SMARCA2: variants seen among roughly 807,000 people sequenced by gnomAD.
SMARCA2 encodes the protein SWI/SNF-related matrix-associated actin-dependent regulator of chromatin subfamily A member 2.
Under a neutral mutation model 199.8 loss-of-function variants are expected in SMARCA2, and 61 were observed. The ratio of observed to expected loss-of-function variants is 0.31; its 90% CI spans 0.25 to 0.38. SMARCA2 has a LOEUF of 0.38. SMARCA2 is among the 10% of genes least tolerant of loss of function. SMARCA2 has a pLI of 1.00. For synonymous variants in SMARCA2, 935 were observed against 732.0 expected (o/e 1.28, Z -4.48); for missense variants, 1,344 against 2,012.2 (o/e 0.67, Z 6.35).
At chr9:2,045,467 C>T (rs1396803576) in intron 4 of SMARCA2, 1 of 151,954 alleles carries the variant, frequency 6.6e-6, no homozygotes, top group Non-Finnish European at 1.5e-5. Context: ...TCTAAAACTT[C>T]CCCTGATAAC....
chr9:2,171,357 GGA>G (rs1161415855), intron 29 of SMARCA2, among the ~76,000 whole-genome samples: 3 of 152,182 alleles, frequency 2.0e-5, no homozygotes, highest in East Asian at 1.9e-4. Context: ...ATCTAGGACT[GGA>G]GAGAGAGAAT....
intron 27 of SMARCA2, among the ~76,000 whole-genome samples, chr9:2,146,045 G>C (rs539967201): frequency 6.6e-6 from 1 of 152,200 alleles, no homozygotes; most frequent in African/African-American, 2.4e-5. Context: ...GCATAGCTGG[G>C]TGTCTTAGTC....
In SMARCA2 at chr9:2,110,203, C is replaced by A; in HGVS notation, c.3293-51C>A. ...GCAAGCCTTTTTGTCTCATTCTGTG[C>A]CATTTTCAGACAAGAGTTAATTGGC... On this transcript the variant is annotated intron_variant, in intron 23 of 33. Transcript: ENST00000349721. The surrounding 1 kb of genome is among the most constrained non-coding windows in gnomAD (Gnocchi z 4.8). 2 of 1,466,098 alleles carry A rather than the reference C, an allele frequency of 1.4e-6. No individual in the cohort carries two copies. Among genetic ancestry groups the A allele is most frequent in the Non-Finnish European group, 1.9e-6 (2 of 1,079,738 alleles). The allele number at this position is 1,466,098 out of a possible 1,614,324, so 90.8% of individuals were successfully genotyped here.
rs1826185407 is a variant in SMARCA2 at position 2,170,409 on chromosome 9, T to G, written c.4200-10T>G. On this transcript the variant is annotated splice_polypyrimidine_tract_variant and intron_variant, in intron 28 of 33. Transcript: ENST00000349721. The surrounding 1 kb of genome is among the most constrained non-coding windows in gnomAD (Gnocchi z 4.7). The stretch of plus-strand genomic sequence containing the variant: ...CTTCTGACTCTAGTGTTCTTTCTAC[T>G]CTACCGCAGGTGTAACGTGGAGAAG... 1 of 1,613,970 alleles carries G rather than the reference T, an allele frequency of 6.2e-7. No individual in the cohort carries two copies. Among genetic ancestry groups the G allele is most frequent in the Non-Finnish European group, 8.5e-7 (1 of 1,179,976 alleles).
Position 2,123,308 on chromosome 9 carries a change from A to C in SMARCA2, c.3763-411A>C, listed in dbSNP as rs1823546239. 6.6e-6 allele frequency among the ~76,000 whole-genome samples: 1 copy of C among 152,104 alleles called. No homozygotes were observed. ...CTATTGAATAAAAGGAAACTTTCTT[A>C]AAGATCTTTCTTTTCTTTACTCAAA... On this transcript the variant is annotated intron_variant, in intron 26 of 33. Coordinates refer to ENST00000349721, the MANE Select transcript of SMARCA2 (RefSeq NM_003070.5). The surrounding 1 kb of genome is among the most constrained non-coding windows in gnomAD (Gnocchi z 4.1).
intron 28 of SMARCA2, among the ~76,000 whole-genome samples, chr9:2,167,340 A>G (rs1451241222): frequency 6.6e-6 from 1 of 152,258 alleles, no homozygotes; most frequent in Non-Finnish European, 1.5e-5. Context: ...TGGAAACAGA[A>G]AGTGAATAGG....
chr9:2,047,564 C>T (rs1448771509), intron 5 of SMARCA2, 80 bp downstream of exon 5: 3 of 1,204,924 alleles, frequency 2.5e-6, no homozygotes, highest in Non-Finnish European at 3.1e-6. Flanking sequence ...AGGCGCCTGC[C>T]TCCTTGGTTG....
At chr9:2,121,657 T>C (rs552420235) in intron 26 of SMARCA2, among the ~76,000 whole-genome samples, 89 of 152,370 alleles carry the variant, frequency 5.8e-4, no homozygotes, top group Admixed American at 1.6e-3. Context: ...ACTTATTATT[T>C]GATTTTGTAT....
chr9:2,033,188 G>A, intron 3 of SMARCA2, 107 bp downstream of exon 3: 1 of 1,252,550 alleles, frequency 8.0e-7, no homozygotes, highest in African/African-American at 1.5e-5. Context: ...AAGGAAGGTT[G>A]AACCTAGTAG....
intron 5 of SMARCA2, 181 bp downstream of exon 5, chr9:2,047,665 A>C (rs1819931151): frequency 1.5e-6 from 1 of 664,654 alleles, no homozygotes; most frequent in African/African-American, 1.9e-5. Context: ...GGGGTTTTGA[A>C]GATCAAAAGC....
At chr9:2,134,368 C>G (rs7034086) in intron 27 of SMARCA2, among the ~76,000 whole-genome samples, 3,734 of 152,308 alleles carry the variant, frequency 0.025, 91 homozygotes, top group Non-Finnish European at 0.032. Context: ...CCTAGGTGCA[C>G]ACCAACCCAA....
At chr9:2,138,853 C>G (rs1039235567) in intron 27 of SMARCA2, among the ~76,000 whole-genome samples, 8 of 152,132 alleles carry the variant, frequency 5.3e-5, no homozygotes, top group Admixed American at 6.5e-5. Context: ...TGGCCTGGCT[C>G]CATCTCCGAG....
chr9:2,054,868 C>T (rs1820281359), intron 6 of SMARCA2, 145 bp downstream of exon 6: 1 of 758,474 alleles, frequency 1.3e-6, no homozygotes, highest in Non-Finnish European at 2.0e-6. Flanking sequence ...TCTTTTAGAC[C>T]AACAGCTTAC....
intron 4 of SMARCA2, chr9:2,043,092 A>G (rs1404671574): frequency 1.3e-5 from 2 of 152,206 alleles, no homozygotes; most frequent in African/African-American, 4.8e-5. Flanking sequence ...TTTATAAAAT[A>G]AATTACTTTT....
At chr9:2,064,534 C>A (rs1820743947) in intron 9 of SMARCA2, among the ~76,000 whole-genome samples, 1 of 152,132 alleles carries the variant, frequency 6.6e-6, no homozygotes, top group Non-Finnish European at 1.5e-5. Flanking sequence ...AAACAAATGT[C>A]TTTTTAAACC....
intron 33 of SMARCA2, 173 bp from the exon 34 acceptor site, chr9:2,192,531 T>C (rs867611211): frequency 3.0e-6 from 2 of 662,550 alleles, no homozygotes; most frequent in Admixed American, 2.6e-5. Flanking sequence ...ACTTCTCAGC[T>C]TAGAGACTGT....
At chr9:2,032,894 C>T in intron 2 of SMARCA2, 58 bp from the exon 3 acceptor site, 1 of 1,534,114 alleles carries the variant, frequency 6.5e-7, no homozygotes, top group East Asian at 2.3e-5. Flanking sequence ...CTGAAAACTC[C>T]AAATAGAAAT....
chr9:2,058,487 C>CG, intron 8 of SMARCA2, 23 bp downstream of exon 8: 1 of 1,606,494 alleles, frequency 6.2e-7, no homozygotes, highest in South Asian at 1.1e-5. Flanking sequence ...CTGCAGGAGC[C>CG]CAGGAAACTA....
At position 2,170,472 on chromosome 9, in the gene SMARCA2, G is replaced by A. The variant is rs1179078670; in HGVS notation, c.4253G>A (p.Ser1418Asn). ...SNSQLEIEGN[S>N]SGRQLSEVFI... Reference sequence around the variant, plus strand: ...TCTCAGTTGGAAATAGAAGGAAACAGGTCAGGATCTGTCTTGTATTCCCCT... The same window carrying A: ...TCTCAGTTGGAAATAGAAGGAAACAAGTCAGGATCTGTCTTGTATTCCCCT... Residue 1418 changes from serine to asparagine, a missense_variant and splice_region_variant, in exon 29 of 34, where the codon AGT (serine) becomes AAT (asparagine). Ser to Asn is a conservative substitution (Grantham distance 46, BLOSUM62 1). This residue lies in a region of SMARCA2 where 151 missense variants were observed against 154.0 expected (regional missense o/e 0.98). Transcript: ENST00000349721. The surrounding 1 kb of genome is among the most constrained non-coding windows in gnomAD (Gnocchi z 4.7). 2.4e-5 allele frequency: 38 copies of A among 1,613,962 alleles called. No individual in the cohort carries two copies. Among genetic ancestry groups the A allele is most frequent in the Non-Finnish European group, 2.9e-5 (34 of 1,179,968 alleles).
Sources: allele counts gnomAD v4.1 joint callset (sites outside exome capture counted in the v4.1 genomes callset), GRCh38; gene constraint gnomAD v4.1.1; regional missense constraint gnomAD v4.1.1; non-coding constraint Gnocchi (gnomAD v3.1); transcripts MANE v1.5; gene names NCBI Gene and HGNC (gene_info 2026-07-23, HGNC 2026-07-21).